UBE2O: variants seen among roughly 807,000 people sequenced by gnomAD.
UBE2O encodes ubiquitin conjugating enzyme E2 O.
In UBE2O, 15 loss-of-function variants were observed where a neutral mutation model predicts 125.8. That is an observed-to-expected ratio of 0.12 (90% CI 0.08 to 0.18). The LOEUF (loss-of-function observed/expected upper bound fraction) is 0.18. UBE2O is among the 10% of genes least tolerant of loss of function. UBE2O has a pLI of 1.00. For synonymous variants in UBE2O, 708 were observed against 703.2 expected, an observed-to-expected ratio of 1.01 and a Z score of -0.11; for missense variants, 1,280 against 1,723.6, an observed-to-expected ratio of 0.74 and a Z score of 4.56.
At chr17:76,421,053 T>C (rs554525824) in intron 1 of UBE2O, among the ~76,000 whole-genome samples, 2 of 152,316 alleles carry the variant, frequency 1.3e-5, no homozygotes, top group East Asian at 3.9e-4. Context: ...GCTGAGTTCC[T>C]GGTAAAAGGC....
At position 76,410,892 on chromosome 17, in the gene UBE2O, T is replaced by C. The variant is rs2072503604; in HGVS notation, c.418-5320A>G. ...CTGCAGCTCCTGGTCCAGACTCTCA[T>C]TCATAACACTGACCTTGACTGACCA... On this transcript the variant is annotated intron_variant, in intron 1 of 17. Transcript: ENST00000319380. The surrounding 1 kb of genome is among the most constrained non-coding windows in gnomAD (Gnocchi z 4.0). 6.6e-6 allele frequency among the ~76,000 whole-genome samples: 1 copy of C among 152,206 alleles called. No homozygotes were observed. Among genetic ancestry groups the C allele is most frequent in the South Asian group, 2.1e-4 (1 of 4,824 alleles).
intron 1 of UBE2O, among the ~76,000 whole-genome samples, chr17:76,446,753 C>CGTA (rs2073159374): frequency 6.6e-6 from 1 of 152,146 alleles, no homozygotes; most frequent in African/African-American, 2.4e-5. Context: ...ATGCCAGTTA[C>CGTA]GTGGAGTGTC....
Position 76,396,752 on chromosome 17 carries a change from C to G in UBE2O, c.2185G>C (p.Ala729Pro). 2 of 1,613,724 alleles carry G rather than the reference C, an allele frequency of 1.2e-6. No homozygotes were observed. The highest frequency in any genetic ancestry group is 2.2e-5 in the East Asian group (1 of 44,880). The change falls in exon 14 of 18, where the codon GCA becomes CCA. Residue 729 changes from alanine to proline, a missense_variant. Around this residue, in one of 10 missense-constraint regions of UBE2O, gnomAD observed 210 missense variants for 268.9 expected, o/e 0.78. Coordinates refer to ENST00000319380, the MANE Select transcript of UBE2O (RefSeq NM_022066.4). The surrounding 1 kb of genome is among the most constrained non-coding windows in gnomAD (Gnocchi z 6.7). ...YDSVEGSTSG[A>P]SSDEWEDDSD... Reference sequence around the variant, plus strand: ...TCATCTTCCCATTCATCCGAGGATGCCCCGCTGGTGCTGCCTTCTACCGAA... The same window carrying G: ...TCATCTTCCCATTCATCCGAGGATGGCCCGCTGGTGCTGCCTTCTACCGAA...
At position 76,404,012 on chromosome 17, in the gene UBE2O, A is replaced by G. The variant is rs2072376112; in HGVS notation, c.588+1194T>C. On this transcript the variant is annotated intron_variant, in intron 3 of 17. Coordinates refer to ENST00000319380, the MANE Select transcript of UBE2O (RefSeq NM_022066.4). The surrounding 1 kb of genome is among the most constrained non-coding windows in gnomAD (Gnocchi z 4.3). ...TAAGTCCATACTGATAAAAAAAAAG[A>G]ATACATAAATAGGGCAGAAGATAAA... Among the ~76,000 whole-genome samples the G allele has an allele frequency of 6.6e-6, 1 of 152,200 alleles. No individual in the cohort carries two copies. Among genetic ancestry groups the G allele is most frequent in the Non-Finnish European group, 1.5e-5 (1 of 68,040 alleles).
rs1322338482 is a variant in UBE2O, at chr17:76,396,685, T to C, written c.2252A>G (p.Glu751Gly). ...WETDNGLVED[E>G]HPKIEEPPIP... Reference sequence around the variant, plus strand: ...GGGGGGCTCCTCTATCTTGGGGTGCTCGTCCTCCACCAGCCCATTGTCCGT... The same window carrying C: ...GGGGGGCTCCTCTATCTTGGGGTGCCCGTCCTCCACCAGCCCATTGTCCGT... Residue 751 changes from glutamate to glycine, a missense_variant, in exon 14 of 18, where the codon GAG (glutamate) becomes GGG (glycine). Around this residue, in one of 10 missense-constraint regions of UBE2O, gnomAD observed 210 missense variants for 268.9 expected, o/e 0.78. Coordinates refer to ENST00000319380, the MANE Select transcript of UBE2O (RefSeq NM_022066.4). The surrounding 1 kb of genome is among the most constrained non-coding windows in gnomAD (Gnocchi z 6.7). 1 of 1,613,686 alleles carries C rather than the reference T, an allele frequency of 6.2e-7. No homozygotes were observed. The highest frequency in any genetic ancestry group is 8.5e-7 in the Non-Finnish European group (1 of 1,180,016).
At position 76,423,693 on chromosome 17, in the gene UBE2O, A is replaced by AAAATAAATAAATAAATAAATAAAT. The variant is rs74941845; in HGVS notation, c.418-18145_418-18122dup. ...GGGTGACAGAGGGACACTCCATCTC[A>AAAATAAATAAATAAATAAATAAAT]AAATAAATAAATAAATAAATAAATA... On this transcript the variant is annotated intron_variant, in intron 1 of 17. Coordinates refer to ENST00000319380, the MANE Select transcript of UBE2O (RefSeq NM_022066.4). Among the ~76,000 whole-genome samples, 141 of 135,916 alleles carry AAAATAAATAAATAAATAAATAAAT rather than the reference A, an allele frequency of 1.0e-3. 1 individual carries two copies. The highest frequency in any genetic ancestry group is 2.7e-3 in the African/African-American group (98 of 35,920). 89.2% of individuals were successfully genotyped at this position (135,916 alleles called of 152,430 possible). A position where few individuals can be genotyped will look rare whatever the true frequency, so the allele number is the denominator to read the frequency against.
At position 76,399,226 on chromosome 17, in the gene UBE2O, C is replaced by G. The variant is rs1337350100; in HGVS notation, c.1628+223G>C. 1.4e-6 allele frequency: 1 copy of G among 721,098 alleles called. No individual in the cohort carries two copies. The highest frequency in any genetic ancestry group is 2.2e-6 in the Non-Finnish European group (1 of 446,106). The allele number at this position is 721,098 out of a possible 1,614,324, so 44.7% of individuals were successfully genotyped here. ...TCAGGCAAATGTGGTTCCAGAAGGCCAAGCTTAAGGCCACCACCATCCCAC... is the reference window on the plus strand; with the variant it reads ...TCAGGCAAATGTGGTTCCAGAAGGCGAAGCTTAAGGCCACCACCATCCCAC... On this transcript the variant is annotated intron_variant, in intron 9 of 17. Transcript: ENST00000319380. This position sits in a 1 kb window ranked among gnomAD's most constrained non-coding sequence, Gnocchi z 6.9.
At chr17:76,436,516 T>C (rs977245895) in intron 1 of UBE2O, among the ~76,000 whole-genome samples, 5 of 152,136 alleles carry the variant, frequency 3.3e-5, no homozygotes, top group Admixed American at 2.6e-4. Context: ...AACAGACTAT[T>C]ACACCTGGGA....
chr17:76,401,176 G>C (rs2072317174), intron 5 of UBE2O, 22 bp from the exon 6 acceptor site: 1 of 1,611,380 alleles, frequency 6.2e-7, no homozygotes, highest in Non-Finnish European at 8.5e-7. Flanking sequence ...GGGGCCAAAG[G>C]AAAGTCCCCG....
chr17:76,446,949 G>C (rs1458968324), intron 1 of UBE2O, among the ~76,000 whole-genome samples: 1 of 152,198 alleles, frequency 6.6e-6, no homozygotes, highest in Non-Finnish European at 1.5e-5. Context: ...GGAATGAAAA[G>C]AGTGGAATCT....
In UBE2O at chr17:76,402,742, C is replaced by T. The variant is rs776929846; in HGVS notation, c.589-43G>A. The T allele has an allele frequency of 1.5e-5, 22 of 1,510,402 alleles. No homozygotes were observed. Among genetic ancestry groups the T allele is most frequent in the African/African-American group, 1.4e-4 (10 of 72,902 alleles). 93.6% of individuals were successfully genotyped at this position (1,510,402 alleles called of 1,614,324 possible). A position where few individuals can be genotyped will look rare whatever the true frequency, so the allele number is the denominator to read the frequency against. On this transcript the variant is annotated intron_variant, in intron 3 of 17. Coordinates refer to ENST00000319380, the MANE Select transcript of UBE2O (RefSeq NM_022066.4). This position sits in a 1 kb window ranked among gnomAD's most constrained non-coding sequence, Gnocchi z 5.4. ...AGGGGCAGTGAGACACAGCAGACAA[C>T]GTTCATGTCCAGGGCACAGATTCCT...
chr17:76,436,568 C>T (rs1023846310), intron 1 of UBE2O, among the ~76,000 whole-genome samples: 3 of 152,264 alleles, frequency 2.0e-5, no homozygotes, highest in African/African-American at 4.8e-5. Flanking sequence ...AGAGCCTAGA[C>T]GATGCCTCCA....
Position 76,399,781 on chromosome 17 carries a change from A to G in UBE2O, c.1296T>C (p.Pro432=). 1 of 1,614,144 alleles carries G rather than the reference A, an allele frequency of 6.2e-7. No homozygotes were observed. Among genetic ancestry groups the G allele is most frequent in the Non-Finnish European group, 8.5e-7 (1 of 1,180,014 alleles). The change falls in exon 9 of 18, where the codon CCT becomes CCC. Residue 432 remains proline, a synonymous_variant. Coordinates refer to ENST00000319380, the MANE Select transcript of UBE2O (RefSeq NM_022066.4). This position sits in a 1 kb window ranked among gnomAD's most constrained non-coding sequence, Gnocchi z 6.9. ...TGGCAGAGCCATCGGGCGTCTCCTC[A>G]GGGCTGGCAGACTCCGCTTCGCTCT... is the stretch of plus-strand genomic sequence containing the variant. ...KTKSEAESAS[P]EETPDGSASP...
rs768033466 is a variant in UBE2O, at chr17:76,390,979, T to G, written c.3843A>C (p.Leu1281=). The G allele has an allele frequency of 1.2e-5, 19 of 1,612,640 alleles. No individual in the cohort carries two copies. Among genetic ancestry groups the G allele is most frequent in the Non-Finnish European group, 1.4e-5 (17 of 1,179,492 alleles). The stretch of plus-strand genomic sequence containing the variant: ...CTGTGCACTCCGGCATGCCTGCCTC[T>G]AGCAGGGCAGCCCGGAACTGCGTCA... ...GVLTQFRAAL[L]EAGMPECTED... Residue 1281 remains leucine, a synonymous_variant, in exon 18 of 18, where the codon CTA becomes CTC. Transcript: ENST00000319380.
At chr17:76,433,944 G>T (rs2072943053) in intron 1 of UBE2O, among the ~76,000 whole-genome samples, 1 of 152,152 alleles carries the variant, frequency 6.6e-6, no homozygotes, top group Non-Finnish European at 1.5e-5. Context: ...TAAATCCTGT[G>T]CTATCAATTC....
In UBE2O at chr17:76,405,957, T is replaced by TG. The variant is rs963487564; in HGVS notation, c.418-386dup. Among the ~76,000 whole-genome samples the TG allele has an allele frequency of 7.2e-5, 11 of 152,258 alleles. No homozygotes were observed. Among genetic ancestry groups the TG allele is most frequent in the African/African-American group, 2.4e-4 (10 of 41,474 alleles). ...TTTGCTTTGCGTTCAATCTTTTTTC[T>TG]GCCCTCTGCAAGTGCCTGCCCTAGC... On this transcript the variant is annotated intron_variant, in intron 1 of 17. Transcript: ENST00000319380. The surrounding 1 kb of genome is among the most constrained non-coding windows in gnomAD (Gnocchi z 6.1).
chr17:76,392,141 A>C (rs753365266), intron 15 of UBE2O, 28 bp from the exon 16 acceptor site: 10 of 1,340,826 alleles, frequency 7.5e-6, no homozygotes, highest in Non-Finnish European at 1.0e-5. Flanking sequence ...GAGGGAGGCC[A>C]AGGTTGGCAG....
chr17:76,398,798 C>T lies in UBE2O; in HGVS notation c.1783+39G>A, dbSNP rs771268919. Reference sequence around the variant, plus strand: ...AAGCCCCAACCCGGGCCCTCATTGGCGACCACCCTGCTGGCTGCCCTTCCA... The same window carrying T: ...AAGCCCCAACCCGGGCCCTCATTGGTGACCACCCTGCTGGCTGCCCTTCCA... On this transcript the variant is annotated intron_variant, in intron 10 of 17. Transcript: ENST00000319380. This position sits in a 1 kb window ranked among gnomAD's most constrained non-coding sequence, Gnocchi z 5.4. 41 of 1,602,112 alleles carry T rather than the reference C, an allele frequency of 2.6e-5. No individual in the cohort carries two copies. The highest frequency in any genetic ancestry group is 8.9e-5 in the South Asian group (8 of 89,398).
rs768815081 is a variant in UBE2O at position 76,405,174 on chromosome 17, G to T, written c.588+32C>A. 5.9e-6 allele frequency: 9 copies of T among 1,537,998 alleles called. No homozygotes were observed. Among genetic ancestry groups the T allele is most frequent in the Non-Finnish European group, 8.0e-6 (9 of 1,121,022 alleles). On this transcript the variant is annotated intron_variant, in intron 3 of 17. Transcript: ENST00000319380. The surrounding 1 kb of genome is among the most constrained non-coding windows in gnomAD (Gnocchi z 6.1). ...GCCGCCGAGAGAACCAGAGGGCCCA[G>T]AAAGGATGATGAGAAGACAGGGCCG...
Sources: allele counts gnomAD v4.1 joint callset (sites outside exome capture counted in the v4.1 genomes callset), GRCh38; gene constraint gnomAD v4.1.1; regional missense constraint gnomAD v4.1.1; non-coding constraint Gnocchi (gnomAD v3.1); transcripts MANE v1.5; gene names NCBI Gene and HGNC (gene_info 2026-07-23, HGNC 2026-07-21).